DNHD1: variants seen among roughly 807,000 people sequenced by gnomAD.
DNHD1 encodes the protein dynein heavy chain domain 1.
Under a neutral mutation model 458.1 loss-of-function variants are expected in DNHD1, and 383 were observed. That is an observed-to-expected ratio of 0.84 (90% CI 0.77 to 0.91). The LOEUF is 0.91. DNHD1 is among the 40% of genes least tolerant of loss of function. The pLI, the probability that DNHD1 is intolerant of heterozygous loss-of-function variation, is 0.00. For missense variants in DNHD1, 5,336 were observed against 5,866.1 expected (o/e 0.91, Z 2.95); for synonymous variants, 2,203 against 2,376.9 (o/e 0.93, Z 2.13).
chr11:6,563,832 G>A lies in DNHD1; in HGVS notation c.9992G>A (p.Trp3331Ter). 1.3e-6 allele frequency: 2 copies of A among 1,551,676 alleles called. No individual in the cohort carries two copies. Among genetic ancestry groups the A allele is most frequent in the South Asian group, 2.4e-5 (2 of 84,060 alleles). ...GCAGCCAGCCTGGCAGCCTGGCTCT[G>A]GGCTGTTCTGCACTATGGGCTGGCG... ...RPAASLAAWL[W>*]AVLHYGLAHC... Residue 3331 changes from tryptophan to a stop codon, truncating the protein, a stop_gained, in exon 31 of 43, where the codon TGG becomes TAG. Transcript: ENST00000254579. LOFTEE classifies it high-confidence loss of function.
intron 12 of DNHD1, among the ~76,000 whole-genome samples, chr11:6,529,650 G>GT (rs1200085088): frequency 6.6e-6 from 1 of 152,188 alleles, no homozygotes; most frequent in Non-Finnish European, 1.5e-5. Context: ...GTTCTGGGTT[G>GT]TTTTTACTTT....
chr11:6,547,913 A>T lies in DNHD1; in HGVS notation c.6778A>T (p.Ser2260Cys). The change falls in exon 22 of 43, where the codon AGC becomes TGC. Residue 2260 changes from serine (S) to cysteine (C), a missense_variant. This residue lies in a region of DNHD1 where 3,932 missense variants were observed against 4,365.6 expected (regional missense o/e 0.90). Coordinates refer to ENST00000254579, the MANE Select transcript of DNHD1 (RefSeq NM_144666.3). ...PVAQSFRSSK[S>C]SFLNRSQVDS... ...GGCCCAAAGCTTCAGGTCTTCAAAA[A>T]GCAGCTTTCTAAACCGGTCCCAGGT... 6.4e-7 allele frequency: 1 copy of T among 1,551,904 alleles called. No homozygotes were observed. The highest frequency in any genetic ancestry group is 1.4e-5 in the African/African-American group (1 of 73,180).
rs368473937 is a variant in DNHD1, at chr11:6,519,595, C to G, written c.1393-5C>G. The G allele has an allele frequency of 6.2e-6, 10 of 1,613,928 alleles. No individual in the cohort carries two copies. The highest frequency in any genetic ancestry group is 8.5e-6 in the Non-Finnish European group (10 of 1,179,982). ...ATCTGGTGAGTTTCCACTCTATGCT[C>G]ACAGGTTCACGAGGACACATACCAC... On this transcript the variant is annotated splice_polypyrimidine_tract_variant and splice_region_variant and intron_variant, in intron 7 of 42. Transcript: ENST00000254579.
chr11:6,571,230 G>A lies in DNHD1; in HGVS notation c.13718G>A (p.Ser4573Asn). 1 of 1,612,074 alleles carries A rather than the reference G, an allele frequency of 6.2e-7. No individual in the cohort carries two copies. Among genetic ancestry groups the A allele is most frequent in the Non-Finnish European group, 8.5e-7 (1 of 1,179,440 alleles). The stretch of plus-strand genomic sequence containing the variant: ...TACTTGGGCGTGGGCGCGGACGCGA[G>A]CAGTGATGTACCAGAGCGCGTCTTC... ...VRYLGVGADA[S>N]SDVPERVFHL... The change falls in exon 42 of 43, where the codon AGC (serine) becomes AAC (asparagine). Residue 4573 changes from serine to asparagine, a missense_variant. Coordinates refer to ENST00000254579, the MANE Select transcript of DNHD1 (RefSeq NM_144666.3). This position sits in a 1 kb window ranked among gnomAD's most constrained non-coding sequence, Gnocchi z 5.0.
rs574027539 is a variant in DNHD1 at position 6,498,075 on chromosome 11, A to G, written c.-141A>G. ...CATTGACTCTGACCATCCCCTGCCC[A>G]GAGCCTGAGGTCCCTTCTCTGGCCC... is the stretch of plus-strand genomic sequence containing the variant. On this transcript the variant is annotated 5_prime_UTR_variant, in exon 3 of 43. Coordinates refer to ENST00000254579, the MANE Select transcript of DNHD1 (RefSeq NM_144666.3). 1.7e-6 allele frequency: 2 copies of G among 1,201,988 alleles called. No homozygotes were observed. Among genetic ancestry groups the G allele is most frequent in the Non-Finnish European group, 2.4e-6 (2 of 850,074 alleles). The allele number at this position is 1,201,988 out of a possible 1,614,324, so 74.5% of individuals were successfully genotyped here.
rs945130503 is a variant in DNHD1 at position 6,563,471 on chromosome 11, G to T, written c.9759G>T (p.Val3253=). 6.4e-7 allele frequency: 1 copy of T among 1,551,710 alleles called. No homozygotes were observed. The highest frequency in any genetic ancestry group is 2.4e-5 in the East Asian group (1 of 40,914). Residue 3253 remains valine (V), a synonymous_variant, in exon 30 of 43, where the codon GTG becomes GTT. Coordinates refer to ENST00000254579, the MANE Select transcript of DNHD1 (RefSeq NM_144666.3). The part of the protein sequence containing the change: ...IRSYRAPPES[V]VRVTDAMCDL... ...GCTATCGAGCACCACCAGAATCTGT[G>T]GTCCGGGTAACTGATGCAATGTGTG... is the stretch of plus-strand genomic sequence containing the variant.
In DNHD1 at chr11:6,565,706, A is replaced by G; in HGVS notation, c.10768A>G (p.Met3590Val). The G allele has an allele frequency of 6.5e-7, 1 of 1,547,624 alleles. No homozygotes were observed. The highest frequency in any genetic ancestry group is 2.0e-5 in the Admixed American group (1 of 50,286). ...ALTEGRGKGL[M>V]RNQKRESKTD... ...TCTTTCTGCCCCAGGGAAAGGCCTC[A>G]TGAGAAATCAAAAGAGAGAGAGTAA... is the stretch of plus-strand genomic sequence containing the variant. Residue 3590 changes from methionine (M) to valine (V), a missense_variant, in exon 33 of 43, where the codon ATG becomes GTG. Met to Val is a conservative substitution (Grantham distance 21, BLOSUM62 1). This residue lies in a region of DNHD1 where 695 missense variants were observed against 804.2 expected (regional missense o/e 0.86). Coordinates refer to ENST00000254579, the MANE Select transcript of DNHD1 (RefSeq NM_144666.3).
chr11:6,571,155 C>G lies in DNHD1; in HGVS notation c.13643C>G (p.Pro4548Arg). 1.2e-6 allele frequency: 2 copies of G among 1,603,546 alleles called. No homozygotes were observed. The highest frequency in any genetic ancestry group is 3.3e-5 in the Admixed American group (2 of 59,716). ...CATGCGCCGGCCGGTCCGCAGCCGC[C>G]CTGGCACTGGCTGCGACAGTTGTCG... Reference protein sequence around the residue: ...RPHAPAGPQPPWHWLRQLSRR... With the variant: ...RPHAPAGPQPRWHWLRQLSRR... Residue 4548 changes from proline (P) to arginine (R), a missense_variant, in exon 42 of 43, where the codon CCC (proline) becomes CGC (arginine). Pro to Arg is a moderately radical substitution (Grantham distance 103). Transcript: ENST00000254579. The surrounding 1 kb of genome is among the most constrained non-coding windows in gnomAD (Gnocchi z 5.0).
Position 6,528,947 on chromosome 11 carries a change from C to A in DNHD1, c.2173C>A (p.Gln725Lys), listed in dbSNP as rs191821639. Reference protein sequence around the residue: ...HWITGIYEFLQSWGPQKLEDM... With the variant: ...HWITGIYEFLKSWGPQKLEDM... ...GATAACAGGCATTTATGAATTCCTG[C>A]AATCCTGGGGGCCTCAGAAGCTGGA... is the stretch of plus-strand genomic sequence containing the variant. Residue 725 changes from glutamine to lysine, a missense_variant, in exon 12 of 43, where the codon CAA becomes AAA. Coordinates refer to ENST00000254579, the MANE Select transcript of DNHD1 (RefSeq NM_144666.3). 48 of 1,551,692 alleles carry A rather than the reference C, an allele frequency of 3.1e-5. No homozygotes were observed. The East Asian group carries it at 1.0e-3, about 32-fold the overall frequency.
At chr11:6,540,821 C>T (rs10732223) in intron 18 of DNHD1, among the ~76,000 whole-genome samples, 119,205 of 152,170 alleles carry the variant, frequency 0.78, 48,891 homozygotes, top group Non-Finnish European at 0.89. Context: ...TCTTATTCAA[C>T]GCAACTAGAA....
intron 15 of DNHD1, 48 bp from the exon 16 acceptor site, chr11:6,538,564 G>C (rs796185914): frequency 1.3e-6 from 2 of 1,551,150 alleles, no homozygotes; most frequent in Non-Finnish European, 1.7e-6. Flanking sequence ...CTACAGTGGT[G>C]GGGGAGGGGA....
intron 3 of DNHD1, among the ~76,000 whole-genome samples, chr11:6,500,966 G>A: frequency 6.6e-6 from 1 of 152,082 alleles, no homozygotes; most frequent in East Asian, 1.9e-4. Flanking sequence ...GAGAGAGAGA[G>A]AGAGGGAGTG....
chr11:6,565,800 A>G lies in DNHD1; in HGVS notation c.10862A>G (p.Gln3621Arg), dbSNP rs1156423976. ...SNEAEDQTKE[Q>R]KAEERKNEQE... ...GAGGCTGAGGACCAGACAAAAGAGC[A>G]GAAGGCAGAGGAAAGAAAAAATGAG... is the stretch of plus-strand genomic sequence containing the variant. Residue 3621 changes from glutamine to arginine, a missense_variant, in exon 33 of 43, where the codon CAG (glutamine) becomes CGG (arginine). Transcript: ENST00000254579. 6.4e-7 allele frequency: 1 copy of G among 1,551,738 alleles called. No individual in the cohort carries two copies. Among genetic ancestry groups the G allele is most frequent in the Admixed American group, 2.0e-5 (1 of 51,006 alleles).
intron 12 of DNHD1, among the ~76,000 whole-genome samples, chr11:6,532,627 A>G (rs1309982405): frequency 6.6e-6 from 1 of 152,158 alleles, no homozygotes; most frequent in Non-Finnish European, 1.5e-5. Context: ...ATCCAACTCC[A>G]GTGTTCCCTT....
Position 6,507,961 on chromosome 11 carries a change from A to G in DNHD1, c.921-919A>G, listed in dbSNP as rs1018322410. 3.9e-5 allele frequency among the ~76,000 whole-genome samples: 6 copies of G among 152,190 alleles called. No individual in the cohort carries two copies. In the East Asian group the frequency reaches 5.8e-4, roughly 15 times the overall value. On this transcript the variant is annotated intron_variant, in intron 4 of 42. Transcript: ENST00000254579. Reference sequence around the variant, plus strand: ...AAGTTCTTAAGTCACTTGCTTAACAATGTTTTCTAGAAAGTTGAGAGAGAT... The same window carrying G: ...AAGTTCTTAAGTCACTTGCTTAACAGTGTTTTCTAGAAAGTTGAGAGAGAT...
intron 18 of DNHD1, among the ~76,000 whole-genome samples, chr11:6,540,654 A>G (rs568779613): frequency 1.3e-5 from 2 of 152,246 alleles, no homozygotes; most frequent in Non-Finnish European, 2.9e-5. Context: ...AGAGAATTAG[A>G]GAAGTCTTCT....
rs1031094814 is a variant in DNHD1 at position 6,528,694 on chromosome 11, A to G, written c.2010A>G (p.Gln670=). ...TCCGTGGATGTCGGCTGCGGGGCCA[A>G]TACTTCCCCCACAATTATAAGCAGC... ...LEVRGCRLRG[Q]YFPHNYKQLE... is the part of the protein sequence containing the mutation. Residue 670 remains glutamine, a synonymous_variant, in exon 11 of 43, where the codon CAA becomes CAG. Transcript: ENST00000254579. 1.1e-5 allele frequency: 17 copies of G among 1,551,602 alleles called. No homozygotes were observed. In the Admixed American group the frequency reaches 1.8e-4, roughly 16 times the overall value.
intron 33 of DNHD1, 31 bp downstream of exon 33, chr11:6,566,022 C>T: frequency 6.5e-7 from 1 of 1,547,690 alleles, no homozygotes; most frequent in Non-Finnish European, 8.7e-7. Flanking sequence ...ACCCTGGCCC[C>T]TTTTTGACTT....
chr11:6,507,024 T>C (rs2134372005), intron 4 of DNHD1, among the ~76,000 whole-genome samples: 1 of 152,324 alleles, frequency 6.6e-6, no homozygotes, highest in Middle Eastern at 3.4e-3. Flanking sequence ...GAGTTTGAGA[T>C]GTTTTGGAAA....
Sources: gnomAD v4.1 joint callset for allele counts (sites outside exome capture counted in the v4.1 genomes callset) on GRCh38, gnomAD v4.1.1 for gene constraint, gnomAD v4.1.1 regional missense constraint, Gnocchi (gnomAD v3.1) non-coding constraint, MANE v1.5 for transcripts, NCBI Gene and HGNC (gene_info 2026-07-23, HGNC 2026-07-21) for gene names.